Variants in SESTD1 observed in about 807,000 individuals in gnomAD.
SESTD1 encodes the protein SEC14 domain and spectrin repeat-containing protein 1.
Under a neutral mutation model 101.7 loss-of-function variants are expected in SESTD1, and 43 were observed. The ratio of observed to expected loss-of-function variants is 0.42; its 90% CI spans 0.33 to 0.55. The LOEUF (loss-of-function observed/expected upper bound fraction) is 0.55, where lower values mean the gene tolerates loss of function less well. Ranked by LOEUF, SESTD1 falls within the 20% of genes least tolerant of loss-of-function variation. The probability of loss-of-function intolerance (pLI) is 0.07; values close to 1 mark genes in which losing one functional copy is unlikely to be tolerated. For synonymous variants in SESTD1, 283 were observed against 286.8 expected, an observed-to-expected ratio of 0.99 and a Z score of 0.13; for missense variants, 647 against 815.1, an observed-to-expected ratio of 0.79 and a Z score of 2.51.
At position 179,102,715 on chromosome 2, in the gene SESTD1, T is replaced by C. The variant is rs1360677904; in HGVS notation, c.*7184A>G. On this transcript the variant is annotated 3_prime_UTR_variant, in exon 18 of 18. Coordinates refer to ENST00000428443, the MANE Select transcript of SESTD1 (RefSeq NM_178123.5). ...TAATACAGGTGAATGCTGTATGTAA[T>C]AGAACAGCTGGGAGAGGTAAAAGAG... 2 of 152,102 alleles carry C rather than the reference T, an allele frequency of 1.3e-5. No homozygotes were observed. Among genetic ancestry groups the C allele is most frequent in the South Asian group, 4.1e-4 (2 of 4,820 alleles). 9.4% of individuals were successfully genotyped at this position (152,102 alleles called of 1,614,324 possible). A position where few individuals can be genotyped will look rare whatever the true frequency, so the allele number is the denominator to read the frequency against.
chr2:179,138,048 T>C (rs111339544), intron 9 of SESTD1, among the ~76,000 whole-genome samples: 3 of 152,182 alleles, frequency 2.0e-5, no homozygotes, highest in African/African-American at 7.2e-5. Flanking sequence ...AAAAACAGAG[T>C]ACAGAAAACA....
chr2:179,197,144 G>T (rs181322873), intron 1 of SESTD1, among the ~76,000 whole-genome samples: 1 of 152,116 alleles, frequency 6.6e-6, no homozygotes, highest in African/African-American at 2.4e-5. Context: ...ACCAAGGCTC[G>T]AGAACTACGT....
At chr2:179,131,439 C>T (rs540591934) in intron 10 of SESTD1, among the ~76,000 whole-genome samples, 19 of 152,226 alleles carry the variant, frequency 1.2e-4, no homozygotes, top group South Asian at 4.1e-4. Context: ...ATTAATGTTC[C>T]GACGGTACTT....
intron 4 of SESTD1, among the ~76,000 whole-genome samples, chr2:179,175,458 A>T (rs1168524898): frequency 6.6e-6 from 1 of 152,186 alleles, no homozygotes; most frequent in Non-Finnish European, 1.5e-5. Context: ...TTCTTTCAAT[A>T]TCACTGATAT....
At chr2:179,158,190 A>C (rs1383307695) in intron 5 of SESTD1, among the ~76,000 whole-genome samples, 1 of 152,186 alleles carries the variant, frequency 6.6e-6, no homozygotes. Flanking sequence ...CTTTTGAAGA[A>C]GCCACCTTCA....
intron 1 of SESTD1, among the ~76,000 whole-genome samples, chr2:179,245,291 C>T (rs535368905): frequency 2.0e-4 from 31 of 151,992 alleles, no homozygotes; most frequent in African/African-American, 5.3e-4. Flanking sequence ...CTGAGGCGGA[C>T]GGATCATGAG....
intron 5 of SESTD1, 106 bp from the exon 6 acceptor site, chr2:179,151,497 C>T (rs897515711): frequency 1.0e-5 from 6 of 584,092 alleles, no homozygotes; most frequent in Non-Finnish European, 1.7e-5. Flanking sequence ...TTGTTTCCAA[C>T]ATGATGACAC....
chr2:179,261,339 C>A (rs2047480342), intron 1 of SESTD1, among the ~76,000 whole-genome samples: 1 of 152,120 alleles, frequency 6.6e-6, no homozygotes, highest in Non-Finnish European at 1.5e-5. Flanking sequence ...AATTTAATTT[C>A]TGTATGCCTC....
At chr2:179,138,381 G>C (rs1034342816) in intron 9 of SESTD1, among the ~76,000 whole-genome samples, 15 of 152,140 alleles carry the variant, frequency 9.9e-5, no homozygotes, top group African/African-American at 3.4e-4. Context: ...AGCCAGCCAT[G>C]AATTGTCAGA....
intron 1 of SESTD1, among the ~76,000 whole-genome samples, chr2:179,194,147 C>T (rs973467983): frequency 2.0e-5 from 3 of 152,178 alleles, no homozygotes; most frequent in Non-Finnish European, 4.4e-5. Flanking sequence ...TAACAAACCA[C>T]CTTCACATTC....
chr2:179,239,857 G>A (rs2047124393), intron 1 of SESTD1, among the ~76,000 whole-genome samples: 2 of 152,176 alleles, frequency 1.3e-5, no homozygotes, highest in African/African-American at 4.8e-5. Flanking sequence ...ATCAGTGACT[G>A]GTGATACTGA....
chr2:179,143,535 A>G, intron 9 of SESTD1, 57 bp downstream of exon 9: 2 of 1,474,964 alleles, frequency 1.4e-6, no homozygotes, highest in Non-Finnish European at 9.4e-7. Context: ...AGTCAGTCAC[A>G]TAGTAGAAAT....
At chr2:179,133,608 A>G (rs2045063194) in intron 9 of SESTD1, among the ~76,000 whole-genome samples, 1 of 152,218 alleles carries the variant, frequency 6.6e-6, no homozygotes, top group Non-Finnish European at 1.5e-5. Flanking sequence ...ATGTATGGTT[A>G]TATCCTAAAT....
At chr2:179,145,084 A>G (rs1165229613) in intron 8 of SESTD1, among the ~76,000 whole-genome samples, 2 of 152,100 alleles carry the variant, frequency 1.3e-5, no homozygotes, top group Non-Finnish European at 2.9e-5. Context: ...TTCAGAATTT[A>G]CTTCTTTATT....
chr2:179,139,610 G>A (rs973467460), intron 9 of SESTD1, among the ~76,000 whole-genome samples: 4 of 152,024 alleles, frequency 2.6e-5, no homozygotes, highest in Admixed American at 6.6e-5. Flanking sequence ...GAATCGTTAA[G>A]TTTTCACTTT....
intron 1 of SESTD1, among the ~76,000 whole-genome samples, chr2:179,260,439 C>A (rs1024468871): frequency 1.3e-5 from 2 of 152,030 alleles, no homozygotes; most frequent in African/African-American, 4.8e-5. Context: ...TGACTTGAGC[C>A]CAGGCAGTTG....
At chr2:179,118,554 T>G (rs2044683712) in intron 13 of SESTD1, among the ~76,000 whole-genome samples, 1 of 151,174 alleles carries the variant, frequency 6.6e-6, no homozygotes, top group Non-Finnish European at 1.5e-5. Flanking sequence ...ACAAGGCTTT[T>G]TTTTAAAAAA....
chr2:179,213,255 A>C (rs2046674787), intron 1 of SESTD1, among the ~76,000 whole-genome samples: 1 of 134,910 alleles, frequency 7.4e-6, no homozygotes, highest in African/African-American at 2.9e-5. Flanking sequence ...TCTTGAAAAA[A>C]CGTTAGACAA....
intron 7 of SESTD1, among the ~76,000 whole-genome samples, chr2:179,146,906 T>TGG (rs992171442): frequency 8.8e-5 from 4 of 45,408 alleles, no homozygotes; most frequent in Admixed American, 6.5e-4. Flanking sequence ...ATTCCAGGGG[T>TGG]GTGTGTGTGT....
Sources: gnomAD v4.1 joint callset for allele counts (sites outside exome capture counted in the v4.1 genomes callset) on GRCh38, gnomAD v4.1.1 for gene constraint, MANE v1.5 for transcripts, NCBI Gene and HGNC (gene_info 2026-07-23, HGNC 2026-07-21) for gene names.